FAM91A1: variants seen among roughly 807,000 people sequenced by gnomAD.
FAM91A1 encodes protein FAM91A1.
FAM91A1 carries 41 observed loss-of-function variants against 113.5 expected under a neutral mutation model. That is an observed-to-expected ratio of 0.36 (90% CI 0.28 to 0.47). The LOEUF (loss-of-function observed/expected upper bound fraction) is 0.47, where lower values mean the gene tolerates loss of function less well. Ranked by LOEUF, FAM91A1 falls within the 20% of genes least tolerant of loss-of-function variation. The pLI is 1.00. For synonymous variants in FAM91A1, 307 were observed against 347.9 expected, an observed-to-expected ratio of 0.88 and a Z score of 1.31; for missense variants, 696 against 1,001.2, an observed-to-expected ratio of 0.70 and a Z score of 4.11.
chr8:123,782,632 C>A (rs1188889254), intron 8 of FAM91A1, among the ~76,000 whole-genome samples: 1 of 152,128 alleles, frequency 6.6e-6, no homozygotes, highest in African/African-American at 2.4e-5. Context: ...TCTGAAAATT[C>A]TTGAGAACTT....
rs750545884 is a variant in FAM91A1, at chr8:123,789,683, T to C, written c.1349T>C (p.Leu450Pro). ...GCACTTACTCTGAGAAACACAATAC[T>C]GTTTCTGCGTCATAACAAAGATCTA... ...DHALTLRNTI[L>P]FLRHNKDLVA... Residue 450 changes from leucine to proline, a missense_variant, in exon 15 of 24, where the codon CTG becomes CCG. Transcript: ENST00000334705. 6 of 1,613,018 alleles carry C rather than the reference T, an allele frequency of 3.7e-6. No individual in the cohort carries two copies. Among genetic ancestry groups the C allele is most frequent in the Middle Eastern group, 1.9e-4 (1 of 5,382 alleles).
At chr8:123,774,362 AT>A (rs1322836805) in intron 2 of FAM91A1, among the ~76,000 whole-genome samples, 198 bp downstream of exon 2, 1 of 152,202 alleles carries the variant, frequency 6.6e-6, no homozygotes, top group African/African-American at 2.4e-5. Context: ...GATAAAAATT[AT>A]TTTTAGAGTA....
intron 21 of FAM91A1, 133 bp downstream of exon 21, chr8:123,808,509 C>A: frequency 1.8e-6 from 1 of 558,864 alleles, no homozygotes; most frequent in Non-Finnish European, 3.0e-6. Flanking sequence ...TCTAGGAAGC[C>A]TTTTTACATA....
At chr8:123,799,751 C>A (rs1393605649) in intron 17 of FAM91A1, 21 bp from the exon 18 acceptor site, 1 of 1,605,314 alleles carries the variant, frequency 6.2e-7, no homozygotes, top group African/African-American at 1.3e-5. Context: ...GCCATTTTAC[C>A]TGTTAATTTC....
chr8:123,778,090 AAAGT>A lies in FAM91A1; in HGVS notation c.435+3_435+6del. On this transcript the variant is annotated splice_donor_variant and coding_sequence_variant, in exon 5 of 24. Coordinates refer to ENST00000334705, the MANE Select transcript of FAM91A1 (RefSeq NM_144963.4). LOFTEE classifies it high-confidence loss of function. ...TCTTATGAATCAGTGTAGATCATCA[AAAGT>A]AAGTTAGTACTTTCTTTTTCATTGT... is the stretch of plus-strand genomic sequence containing the variant. The A allele has an allele frequency of 6.3e-7, 1 of 1,591,228 alleles. No individual in the cohort carries two copies. Among genetic ancestry groups the A allele is most frequent in the Non-Finnish European group, 8.6e-7 (1 of 1,168,494 alleles).
At chr8:123,811,620 TG>T (rs1354957115) in intron 23 of FAM91A1, among the ~76,000 whole-genome samples, 1 of 152,070 alleles carries the variant, frequency 6.6e-6, no homozygotes, top group African/African-American at 2.4e-5. Flanking sequence ...ATGATTCTTA[TG>T]TTTTTTGATT....
Position 123,812,962 on chromosome 8 carries a change from ATATACTT to A in FAM91A1, c.*263_*269del, listed in dbSNP as rs1312179945. 5.9e-5 allele frequency: 18 copies of A among 303,984 alleles called. No individual in the cohort carries two copies. The highest frequency in any genetic ancestry group is 3.7e-4 in the African/African-American group (17 of 46,376). The allele number at this position is 303,984 out of a possible 1,614,324, so 18.8% of individuals were successfully genotyped here. A position where few individuals can be genotyped will look rare whatever the true frequency, so the allele number is the denominator to read the frequency against. Reference sequence around the variant, plus strand: ...CTGCATTTCTTTTATAAAACTAAGTATATACTTTATAGGCTTTATGATGACTGTTATG... The same window carrying A: ...CTGCATTTCTTTTATAAAACTAAGTATATAGGCTTTATGATGACTGTTATG... On this transcript the variant is annotated 3_prime_UTR_variant, in exon 24 of 24. Transcript: ENST00000334705.
At chr8:123,802,440 G>T (rs1815708785) in intron 18 of FAM91A1, among the ~76,000 whole-genome samples, 1 of 152,168 alleles carries the variant, frequency 6.6e-6, no homozygotes, top group African/African-American at 2.4e-5. Flanking sequence ...CATCACAGGA[G>T]GTGGTGATAT....
chr8:123,785,872 C>T (rs778180008), intron 11 of FAM91A1, 131 bp downstream of exon 11: 30 of 573,246 alleles, frequency 5.2e-5, no homozygotes, highest in Admixed American at 1.7e-4. Context: ...GGCTGGAGTG[C>T]GGTGGCGCGA....
chr8:123,792,805 C>T (rs1471320461), intron 15 of FAM91A1, among the ~76,000 whole-genome samples: 9 of 152,132 alleles, frequency 5.9e-5, no homozygotes, highest in South Asian at 2.1e-4. Flanking sequence ...ACTTTTTCCC[C>T]GTATGACTTA....
At chr8:123,810,617 G>T (rs765254580) in intron 23 of FAM91A1, 12 of 507,100 alleles carry the variant, frequency 2.4e-5, no homozygotes, top group Admixed American at 4.1e-5. Context: ...TGGGCTGTGT[G>T]CCATGCTAGG....
At chr8:123,792,201 A>G (rs926006719) in intron 15 of FAM91A1, among the ~76,000 whole-genome samples, 15 of 152,066 alleles carry the variant, frequency 9.9e-5, no homozygotes, top group African/African-American at 3.6e-4. Flanking sequence ...ATCCTCTAGT[A>G]TTGGTGTTTT....
At chr8:123,781,150 A>G (rs989882650) in intron 8 of FAM91A1, among the ~76,000 whole-genome samples, 3 of 152,094 alleles carry the variant, frequency 2.0e-5, no homozygotes, top group Admixed American at 6.5e-5. Flanking sequence ...TATAGGTTAG[A>G]TTTCTTACCA....
Position 123,799,309 on chromosome 8 carries a change from C to G in FAM91A1, c.1561-211C>G, listed in dbSNP as rs893050877. Reference sequence around the variant, plus strand: ...AAGATTCCAAACTAGGCAGTCTTCTCCAGAGTGCATTCTCTTAATTGCAGT... The same window carrying G: ...AAGATTCCAAACTAGGCAGTCTTCTGCAGAGTGCATTCTCTTAATTGCAGT... On this transcript the variant is annotated intron_variant, in intron 16 of 23. Coordinates refer to ENST00000334705, the MANE Select transcript of FAM91A1 (RefSeq NM_144963.4). Among the ~76,000 whole-genome samples, 3 of 152,150 alleles carry G rather than the reference C, an allele frequency of 2.0e-5. No individual in the cohort carries two copies. The South Asian group carries it at 6.2e-4, about 32-fold the overall frequency.
At position 123,779,992 on chromosome 8, in the gene FAM91A1, C is replaced by T; in HGVS notation, c.557C>T (p.Thr186Ile). The change falls in exon 7 of 24, where the codon ACT becomes ATT. Residue 186 changes from threonine to isoleucine, a missense_variant. Coordinates refer to ENST00000334705, the MANE Select transcript of FAM91A1 (RefSeq NM_144963.4). ...YITEDDIKIC[T>I]LPEKCAVDKI... ...ATATTTTGCTTTTCTTAGATATGCA[C>T]TTTGCCTGAGAAATGCGCTGTTGAT... is the stretch of plus-strand genomic sequence containing the variant. 1 of 1,612,898 alleles carries T rather than the reference C, an allele frequency of 6.2e-7. No homozygotes were observed. The highest frequency in any genetic ancestry group is 1.1e-5 in the South Asian group (1 of 90,932).
intron 14 of FAM91A1, among the ~76,000 whole-genome samples, chr8:123,789,047 A>G (rs963507189): frequency 1.3e-5 from 2 of 152,204 alleles, no homozygotes; most frequent in African/African-American, 4.8e-5. Flanking sequence ...AAGAGCATAC[A>G]TTAAACTATA....
chr8:123,778,517 C>G (rs1815041023), intron 5 of FAM91A1, 142 bp from the exon 6 acceptor site: 3 of 590,406 alleles, frequency 5.1e-6, no homozygotes, highest in Non-Finnish European at 9.0e-6. Context: ...ATGTTAATAT[C>G]TAGAATTGTT....
chr8:123,790,081 G>A (rs1219750170), intron 15 of FAM91A1, among the ~76,000 whole-genome samples: 1 of 152,100 alleles, frequency 6.6e-6, no homozygotes, highest in African/African-American at 2.4e-5. Flanking sequence ...GTTAATGTAG[G>A]AAGCATAAAA....
chr8:123,808,348 T>C lies in FAM91A1; in HGVS notation c.2109T>C (p.Thr703=). The C allele has an allele frequency of 6.2e-7, 1 of 1,613,486 alleles. No homozygotes were observed. Among genetic ancestry groups the C allele is most frequent in the African/African-American group, 1.3e-5 (1 of 75,026 alleles). ...ESFEMVIEEA[T]IDSATKQTSG... ...TTGAAATGGTCATTGAGGAAGCAACTATAGATTCAGCAACAAAGCAAACCT... is the reference window on the plus strand; with the variant it reads ...TTGAAATGGTCATTGAGGAAGCAACCATAGATTCAGCAACAAAGCAAACCT... The change falls in exon 21 of 24, where the codon ACT becomes ACC. Residue 703 remains threonine (T), a synonymous_variant. Transcript: ENST00000334705.
Sources: gnomAD v4.1 joint callset for allele counts (sites outside exome capture counted in the v4.1 genomes callset) on GRCh38, gnomAD v4.1.1 for gene constraint, MANE v1.5 for transcripts, NCBI Gene and HGNC (gene_info 2026-07-23, HGNC 2026-07-21) for gene names.